Variants in SERPINH1 observed in about 807,000 individuals in gnomAD.
The protein encoded by SERPINH1 is serpin H1.
SERPINH1 carries 22 observed loss-of-function variants against 32.3 expected under a neutral mutation model. The ratio of observed to expected loss-of-function variants is 0.68; its 90% confidence interval spans 0.49 to 0.97. The LOEUF (loss-of-function observed/expected upper bound fraction) is 0.97, where lower values mean the gene tolerates loss of function less well. Ranked by LOEUF, SERPINH1 falls within the 50% of genes least tolerant of loss-of-function variation. The pLI is 0.00. For missense variants in SERPINH1, 543 were observed against 576.4 expected, an observed-to-expected ratio of 0.94 and a Z score of 0.59; for synonymous variants, 251 against 245.9, an observed-to-expected ratio of 1.02 and a Z score of -0.19.
chr11:75,572,152 G>T lies in SERPINH1; in HGVS notation c.*69G>T. ...CCTGAGACACATGGGTGCTATTGGG[G>T]TTGGGGGGGAGGTGAGGTACCAGCC... is the stretch of plus-strand genomic sequence containing the variant. On this transcript the variant is annotated 3_prime_UTR_variant, in exon 5 of 5. Coordinates refer to ENST00000358171, the MANE Select transcript of SERPINH1 (RefSeq NM_001235.5). 1 of 1,493,832 alleles carries T rather than the reference G, an allele frequency of 6.7e-7. No homozygotes were observed. Among genetic ancestry groups the T allele is most frequent in the Non-Finnish European group, 9.3e-7 (1 of 1,080,474 alleles). The allele number at this position is 1,493,832 out of a possible 1,614,324, so 92.5% of individuals were successfully genotyped here. A position where few individuals can be genotyped will look rare whatever the true frequency, so the allele number is the denominator to read the frequency against.
chr11:75,567,029 T>G, intron 2 of SERPINH1, 58 bp downstream of exon 2: 1 of 1,554,532 alleles, frequency 6.4e-7, no homozygotes, highest in Non-Finnish European at 8.7e-7. Flanking sequence ...CCTGCAAGAG[T>G]TAGGACGACA....
chr11:75,566,193 C>A, intron 1 of SERPINH1, 123 bp from the exon 2 acceptor site: 1 of 842,558 alleles, frequency 1.2e-6, no homozygotes, highest in Non-Finnish European at 1.9e-6. Flanking sequence ...GTCTGGGATT[C>A]CTGGACTGTG....
At chr11:75,564,380 C>T (rs1274216099) in intron 1 of SERPINH1, among the ~76,000 whole-genome samples, 1 of 152,194 alleles carries the variant, frequency 6.6e-6, no homozygotes, top group South Asian at 2.1e-4. Flanking sequence ...GTACCTGCCA[C>T]GTGGCATGGC....
chr11:75,571,275 C>G (rs1476329910), intron 4 of SERPINH1, among the ~76,000 whole-genome samples: 1 of 152,146 alleles, frequency 6.6e-6, no homozygotes, highest in Non-Finnish European at 1.5e-5. Flanking sequence ...AAGCAAATTC[C>G]AGGCATCCTA....
rs370438059 is a variant in SERPINH1 at position 75,571,774 on chromosome 11, C to T, written c.955-7C>T. 3.4e-5 allele frequency: 55 copies of T among 1,613,034 alleles called. No individual in the cohort carries two copies. In the African/African-American group the frequency reaches 4.5e-4, roughly 13 times the overall value. ...GCCTCACCTGGCACACCTCCTTGTT[C>T]CCACAGAAACACCTGGCTGGGCTGG... On this transcript the variant is annotated splice_region_variant and splice_polypyrimidine_tract_variant and intron_variant, in intron 4 of 4. Transcript: ENST00000358171.
rs771513145 is a variant in SERPINH1, at chr11:75,566,406, C to A, written c.57C>A (p.Ala19=). Residue 19 remains alanine, a synonymous_variant, in exon 2 of 5, where the codon GCC becomes GCA. Coordinates refer to ENST00000358171, the MANE Select transcript of SERPINH1 (RefSeq NM_001235.5). ...AFCLLEAALA[A]EVKKPAAAAA... ...GCCTCCTGGAGGCGGCCCTGGCCGC[C>A]GAGGTGAAGAAACCTGCAGCCGCAG... The A allele has an allele frequency of 6.2e-7, 1 of 1,611,046 alleles. No homozygotes were observed. Among genetic ancestry groups the A allele is most frequent in the Non-Finnish European group, 8.5e-7 (1 of 1,179,358 alleles).
At position 75,571,814 on chromosome 11, in the gene SERPINH1, A is replaced by G; in HGVS notation, c.988A>G (p.Ile330Val). 6.2e-7 allele frequency: 1 copy of G among 1,614,082 alleles called. No individual in the cohort carries two copies. Residue 330 changes from isoleucine to valine, a missense_variant, in exon 5 of 5, where the codon ATT (isoleucine) becomes GTT (valine). Physicochemically the swap from Ile to Val is conservative, Grantham distance 29. This residue lies in a region of SERPINH1 where 427 missense variants were observed against 446.4 expected (regional missense o/e 0.96). Coordinates refer to ENST00000358171, the MANE Select transcript of SERPINH1 (RefSeq NM_001235.5). The part of the protein sequence containing the change: ...HLAGLGLTEA[I>V]DKNKADLSRM... Reference sequence around the variant, plus strand: ...GGCTGGGCTGGGCCTGACTGAGGCCATTGACAAGAACAAGGCCGACTTGTC... The same window carrying G: ...GGCTGGGCTGGGCCTGACTGAGGCCGTTGACAAGAACAAGGCCGACTTGTC...
chr11:75,566,306 A>G lies in SERPINH1; in HGVS notation c.-34-10A>G, dbSNP rs547981367. 2.3e-5 allele frequency: 36 copies of G among 1,588,854 alleles called. No homozygotes were observed. Among genetic ancestry groups the G allele is most frequent in the East Asian group, 1.4e-4 (6 of 44,074 alleles). Reference sequence around the variant, plus strand: ...GCTTCAAGACCACCCTGTCTGTGCAATCCTCACAGGCCCACCGTGGTGCAC... The same window carrying G: ...GCTTCAAGACCACCCTGTCTGTGCAGTCCTCACAGGCCCACCGTGGTGCAC... On this transcript the variant is annotated splice_polypyrimidine_tract_variant and intron_variant, in intron 1 of 4. Transcript: ENST00000358171.
Position 75,568,763 on chromosome 11 carries a change from G to A in SERPINH1, c.655G>A (p.Val219Met), listed in dbSNP as rs1387383541. The A allele has an allele frequency of 2.5e-6, 4 of 1,613,696 alleles. No homozygotes were observed. The South Asian group carries it at 3.3e-5, about 13-fold the overall frequency. The stretch of plus-strand genomic sequence containing the variant: ...GGATGAGAAATTCCACCACAAGATG[G>A]TGGACAACCGTGGCTTCATGGTGAC... ...HWDEKFHHKM[V>M]DNRGFMVTRS... Residue 219 changes from valine (V) to methionine (M), a missense_variant, in exon 3 of 5, where the codon GTG (valine) becomes ATG (methionine). Val to Met is a conservative substitution (Grantham distance 21). Transcript: ENST00000358171.
chr11:75,568,358 TC>T (rs1406863020), intron 2 of SERPINH1: 7 of 365,274 alleles, frequency 1.9e-5, no homozygotes, highest in Non-Finnish European at 3.2e-5. Flanking sequence ...GGCACAGCTG[TC>T]CCCCAGGTAC....
At chr11:75,570,759 G>A (rs991082737) in intron 4 of SERPINH1, among the ~76,000 whole-genome samples, 2 of 152,230 alleles carry the variant, frequency 1.3e-5, no homozygotes, top group African/African-American at 2.4e-5. Flanking sequence ...CAGGGAGAGC[G>A]CTGGACATGG....
rs771963597 is a variant in SERPINH1, at chr11:75,566,825, C to T, written c.476C>T (p.Ser159Phe). Reference sequence around the variant, plus strand: ...AAGCAGCACTACAACTGCGAGCACTCCAAGATCAACTTCCGCGACAAGCGC... The same window carrying T: ...AAGCAGCACTACAACTGCGAGCACTTCAAGATCAACTTCCGCGACAAGCGC... Reference protein sequence around the residue: ...SSKQHYNCEHSKINFRDKRSA... With the variant: ...SSKQHYNCEHFKINFRDKRSA... The change falls in exon 2 of 5, where the codon TCC becomes TTC. Residue 159 changes from serine to phenylalanine, a missense_variant. Ser to Phe is a radical substitution (Grantham distance 155, BLOSUM62 -2). Around this residue, in one of 3 missense-constraint regions of SERPINH1, gnomAD observed 427 missense variants for 446.4 expected, o/e 0.96. Transcript: ENST00000358171. 1.9e-5 allele frequency: 30 copies of T among 1,612,920 alleles called. No individual in the cohort carries two copies. The highest frequency in any genetic ancestry group is 1.4e-4 in the South Asian group (13 of 91,092).
rs928526391 is a variant in SERPINH1, at chr11:75,568,781, A to G, written c.673A>G (p.Met225Val). ...CAAGATGGTGGACAACCGTGGCTTC[A>G]TGGTGACTCGGTCCTATACCGTGGG... is the stretch of plus-strand genomic sequence containing the variant. ...HHKMVDNRGF[M>V]VTRSYTVGVM... Residue 225 changes from methionine to valine, a missense_variant, in exon 3 of 5, where the codon ATG (methionine) becomes GTG (valine). This residue lies in a region of SERPINH1 where 427 missense variants were observed against 446.4 expected (regional missense o/e 0.96). Transcript: ENST00000358171. 21 of 1,613,886 alleles carry G rather than the reference A, an allele frequency of 1.3e-5. No homozygotes were observed. The highest frequency in any genetic ancestry group is 5.3e-5 in the African/African-American group (4 of 74,894).
In SERPINH1 at chr11:75,572,312, T is replaced by C. The variant is rs1942213410; in HGVS notation, c.*229T>C. The C allele has an allele frequency of 9.9e-6, 6 of 603,706 alleles. No homozygotes were observed. Among genetic ancestry groups the C allele is most frequent in the Non-Finnish European group, 1.8e-5 (6 of 334,604 alleles). 37.4% of individuals were successfully genotyped at this position (603,706 alleles called of 1,614,324 possible). A position where few individuals can be genotyped will look rare whatever the true frequency, so the allele number is the denominator to read the frequency against. ...TGATGCTGAGCCCGGAAACTCCACA[T>C]CCTGTGGGACCTGGGCCATAGTCAT... On this transcript the variant is annotated 3_prime_UTR_variant, in exon 5 of 5. Coordinates refer to ENST00000358171, the MANE Select transcript of SERPINH1 (RefSeq NM_001235.5).
chr11:75,566,961 G>A lies in SERPINH1; in HGVS notation c.612G>A (p.Met204Ile). 1 of 1,598,758 alleles carries A rather than the reference G, an allele frequency of 6.3e-7. No homozygotes were observed. The highest frequency in any genetic ancestry group is 8.5e-7 in the Non-Finnish European group (1 of 1,178,208). Residue 204 changes from methionine (M) to isoleucine (I), a missense_variant, in exon 2 of 5, where the codon ATG (methionine) becomes ATA (isoleucine). Met to Ile is a conservative substitution (Grantham distance 10). This residue lies in a region of SERPINH1 where 427 missense variants were observed against 446.4 expected (regional missense o/e 0.96). Coordinates refer to ENST00000358171, the MANE Select transcript of SERPINH1 (RefSeq NM_001235.5). Reference sequence around the variant, plus strand: ...ACGGCGCCCTGCTAGTCAACGCCATGTTCTTCAAGCGTGAGTCGGGGGCGC... The same window carrying A: ...ACGGCGCCCTGCTAGTCAACGCCATATTCTTCAAGCGTGAGTCGGGGGCGC... Reference protein sequence around the residue: ...RTDGALLVNAMFFKPHWDEKF... With the variant: ...RTDGALLVNAIFFKPHWDEKF...
In SERPINH1 at chr11:75,566,946, G is replaced by C. The variant is rs1373189236; in HGVS notation, c.597G>C (p.Leu199=). Residue 199 remains leucine, a synonymous_variant, in exon 2 of 5, where the codon CTG becomes CTC. Coordinates refer to ENST00000358171, the MANE Select transcript of SERPINH1 (RefSeq NM_001235.5). Reference sequence around the variant, plus strand: ...ACGTGGAGCGCACGGACGGCGCCCTGCTAGTCAACGCCATGTTCTTCAAGC... The same window carrying C: ...ACGTGGAGCGCACGGACGGCGCCCTCCTAGTCAACGCCATGTTCTTCAAGC... ...TKDVERTDGA[L]LVNAMFFKPH... 6.2e-7 allele frequency: 1 copy of C among 1,602,014 alleles called. No individual in the cohort carries two copies. Among genetic ancestry groups the C allele is most frequent in the South Asian group, 1.1e-5 (1 of 91,022 alleles).
chr11:75,566,687 A>G lies in SERPINH1; in HGVS notation c.338A>G (p.Glu113Gly). The part of the protein sequence containing the change: ...RDEEVHAGLG[E>G]LLRSLSNSTA... The stretch of plus-strand genomic sequence containing the variant: ...GAGGAGGTGCACGCCGGCCTGGGCG[A>G]GCTGCTGCGCTCACTCAGCAACTCC... The change falls in exon 2 of 5, where the codon GAG becomes GGG. Residue 113 changes from glutamate to glycine, a missense_variant. Physicochemically the swap from Glu to Gly is moderately conservative, Grantham distance 98. This residue lies in a region of SERPINH1 where 427 missense variants were observed against 446.4 expected (regional missense o/e 0.96). Transcript: ENST00000358171. 1 of 1,610,068 alleles carries G rather than the reference A, an allele frequency of 6.2e-7. No individual in the cohort carries two copies. Among genetic ancestry groups the G allele is most frequent in the Non-Finnish European group, 8.5e-7 (1 of 1,178,692 alleles).
chr11:75,569,291 G>T lies in SERPINH1; in HGVS notation c.954+120G>T, dbSNP rs1592203532. On this transcript the variant is annotated intron_variant, in intron 4 of 4. Coordinates refer to ENST00000358171, the MANE Select transcript of SERPINH1 (RefSeq NM_001235.5). ...ACCCCCTGGATGTCCAGGCAGTGCT[G>T]GGCTCTGTGATGGGGGAAGCTGGGG... is the stretch of plus-strand genomic sequence containing the variant. 4.1e-6 allele frequency: 3 copies of T among 723,200 alleles called. No homozygotes were observed. The East Asian group carries it at 8.1e-5, about 20-fold the overall frequency. The allele number at this position is 723,200 out of a possible 1,614,324, so 44.8% of individuals were successfully genotyped here.
Position 75,572,018 on chromosome 11 carries a change from G to A in SERPINH1, c.1192G>A (p.Gly398Ser), listed in dbSNP as rs1045176937. ...FIFLVRDTQSGSLLFIGRLVR... is the reference protein window; with the variant it reads ...FIFLVRDTQSSSLLFIGRLVR... The stretch of plus-strand genomic sequence containing the variant: ...CTTCCTAGTGCGGGACACCCAAAGC[G>A]GCTCCCTGCTATTCATTGGGCGCCT... The change falls in exon 5 of 5, where the codon GGC (glycine) becomes AGC (serine). Residue 398 changes from glycine (G) to serine (S), a missense_variant. Physicochemically the swap from Gly to Ser is moderately conservative, Grantham distance 56. Transcript: ENST00000358171. 5.0e-6 allele frequency: 8 copies of A among 1,614,202 alleles called. No homozygotes were observed. In the East Asian group the frequency reaches 6.7e-5, roughly 13 times the overall value.
Sources: allele counts gnomAD v4.1 joint callset (sites outside exome capture counted in the v4.1 genomes callset), GRCh38; gene constraint gnomAD v4.1.1; regional missense constraint gnomAD v4.1.1; transcripts MANE v1.5; gene names NCBI Gene and HGNC (gene_info 2026-07-23, HGNC 2026-07-21).